ANKRD30B: variants seen among roughly 807,000 people sequenced by gnomAD.
ANKRD30B encodes the protein ankyrin repeat domain 30B, also known as ankyrin repeat domain-containing protein 30B.
ANKRD30B carries 144 observed loss-of-function variants against 202.2 expected under a neutral mutation model. That is an observed-to-expected ratio of 0.71 (90% CI 0.62 to 0.82). ANKRD30B has a LOEUF of 0.82. Ranked by LOEUF, ANKRD30B falls within the 40% of genes least tolerant of loss-of-function variation. The pLI, the probability that ANKRD30B is intolerant of heterozygous loss-of-function variation, is 0.00. For missense variants in ANKRD30B, 1,487 were observed against 1,669.1 expected (o/e 0.89, Z 1.90); for synonymous variants, 508 against 561.3 (o/e 0.91, Z 1.34).
chr18:14,875,634 T>C, the ANKRD30B span, among the ~76,000 whole-genome samples: 340 of 152,312 alleles, frequency 2.2e-3, 2 homozygotes, highest in Non-Finnish European at 3.3e-3. Context: ...TACATCTTTA[T>C]ACCTTTGAAT....
the ANKRD30B span, among the ~76,000 whole-genome samples, chr18:14,937,993 C>T: frequency 6.6e-6 from 1 of 152,288 alleles, no homozygotes; most frequent in Non-Finnish European, 1.5e-5. Flanking sequence ...GTCTGCAATC[C>T]AACCGCTGCT....
Position 14,775,767 on chromosome 18 carries a change from T to G in ANKRD30B, c.1330-2218T>G, listed in dbSNP as rs368826089. Among the ~76,000 whole-genome samples, 124 of 152,248 alleles carry G rather than the reference T, an allele frequency of 8.1e-4. 1 individual carries two copies. The highest frequency in any genetic ancestry group is 3.4e-3 in the Middle Eastern group (1 of 294). On this transcript the variant is annotated intron_variant, in intron 9 of 43. Transcript: ENST00000690538. The stretch of plus-strand genomic sequence containing the variant: ...GATAGCAAAGGCCTCACCAGTTAGG[T>G]AGAAGCAGCAGCTGCATAGTGGTAA...
intron 34 of ANKRD30B, among the ~76,000 whole-genome samples, chr18:14,834,611 G>A (rs555995267): frequency 0.017 from 2,576 of 151,974 alleles, 72 homozygotes; most frequent in African/African-American, 0.059. Flanking sequence ...AAAGCTGACA[G>A]AAAATATAAG....
chr18:14,934,103 C>T, the ANKRD30B span, among the ~76,000 whole-genome samples: 2 of 152,242 alleles, frequency 1.3e-5, no homozygotes, highest in Non-Finnish European at 2.9e-5. Flanking sequence ...GCAAGGGGTC[C>T]ACCCACAGCC....
At chr18:14,781,991 G>A (rs1432560389) in intron 11 of ANKRD30B, among the ~76,000 whole-genome samples, 1 of 152,132 alleles carries the variant, frequency 6.6e-6, no homozygotes, top group Non-Finnish European at 1.5e-5. Flanking sequence ...CTTCCTTTAT[G>A]ACTATTTTAA....
chr18:14,833,643 CTTA>C (rs1971049837), intron 34 of ANKRD30B, among the ~76,000 whole-genome samples: 1 of 152,186 alleles, frequency 6.6e-6, no homozygotes, highest in African/African-American at 2.4e-5. Context: ...AACTAATTGT[CTTA>C]TTATGTAATA....
At position 14,769,357 on chromosome 18, in the gene ANKRD30B, G is replaced by T. The variant is rs1470002539; in HGVS notation, c.1240G>T (p.Val414Leu). The T allele has an allele frequency of 6.5e-7, 1 of 1,544,206 alleles. No homozygotes were observed. The highest frequency in any genetic ancestry group is 8.7e-7 in the Non-Finnish European group (1 of 1,143,232). ...KASTNVDVSS[V>L]EPIFSLFGTR... The stretch of plus-strand genomic sequence containing the variant: ...TTCTTTAATAGTGGATGTGAGTTCT[G>T]TAGAGCCTATATTCAGGTAAGACTT... The change falls in exon 8 of 44, where the codon GTA (valine) becomes TTA (leucine). Residue 414 changes from valine (V) to leucine (L), a missense_variant. By Grantham distance (32) the Val-to-Leu change is conservative. Coordinates refer to ENST00000690538, the MANE Select transcript of ANKRD30B (RefSeq NM_001367607.2).
At chr18:14,839,070 AT>A (rs1971299065) in intron 36 of ANKRD30B, among the ~76,000 whole-genome samples, 1 of 152,090 alleles carries the variant, frequency 6.6e-6, no homozygotes. Flanking sequence ...TCCTGATGAG[AT>A]TTTCAATGTT....
chr18:14,871,981 G>A, the ANKRD30B span, among the ~76,000 whole-genome samples: 1 of 152,168 alleles, frequency 6.6e-6, no homozygotes, highest in Non-Finnish European at 1.5e-5. Flanking sequence ...ACATTAGCTT[G>A]TTTAAGCCTC....
chr18:14,855,705 G>A (rs1052867848), downstream of ANKRD30B, among the ~76,000 whole-genome samples: 54 of 149,678 alleles, frequency 3.6e-4, no homozygotes, highest in Middle Eastern at 3.4e-3. Flanking sequence ...CCTCCCAGAC[G>A]GGGCGGCTGG....
chr18:14,749,289 C>A (rs1452212334), intron 1 of ANKRD30B, among the ~76,000 whole-genome samples: 1 of 152,168 alleles, frequency 6.6e-6, no homozygotes, highest in Non-Finnish European at 1.5e-5. Flanking sequence ...TTAAATTACA[C>A]AGGCTTTTAC....
chr18:14,918,224 C>G, the ANKRD30B span, among the ~76,000 whole-genome samples: 1 of 152,142 alleles, frequency 6.6e-6, no homozygotes, highest in East Asian at 1.9e-4. Flanking sequence ...TTTCCTCCTA[C>G]TAGCCCTTAG....
At chr18:14,803,659 T>A in intron 23 of ANKRD30B, 75 bp from the exon 24 acceptor site, 2 of 1,477,100 alleles carry the variant, frequency 1.4e-6, no homozygotes, top group Non-Finnish European at 1.8e-6. Context: ...GAAAAGATTT[T>A]AATTAGGAAC....
chr18:14,914,023 T>C, the ANKRD30B span, among the ~76,000 whole-genome samples: 2 of 152,168 alleles, frequency 1.3e-5, no homozygotes, highest in Non-Finnish European at 2.9e-5. Flanking sequence ...TACTGCAGCT[T>C]GTGTCAGAGA....
intron 9 of ANKRD30B, among the ~76,000 whole-genome samples, chr18:14,775,590 T>C (rs777802209): frequency 4.6e-5 from 7 of 152,250 alleles, no homozygotes; most frequent in Middle Eastern, 3.2e-3. Context: ...AAAACTATAA[T>C]AACAACAATT....
chr18:14,830,392 C>T (rs1970856833), intron 33 of ANKRD30B: 1 of 152,362 alleles, frequency 6.6e-6, no homozygotes, highest in Admixed American at 6.5e-5. Context: ...AGTAGTTAGA[C>T]TTTCTTACTT....
rs181733072 is a variant in ANKRD30B at position 14,809,801 on chromosome 18, G to A, written c.2387-185G>A. Among the ~76,000 whole-genome samples, 14 of 151,038 alleles carry A rather than the reference G, an allele frequency of 9.3e-5. 1 individual carries two copies. Among genetic ancestry groups the A allele is most frequent in the Admixed American group, 5.9e-4 (9 of 15,242 alleles). ...TTGCATCTTTCATTCCATAGCAATAGTTTCAGGGAGTCTTCCTACAGTTGA... is the reference window on the plus strand; with the variant it reads ...TTGCATCTTTCATTCCATAGCAATAATTTCAGGGAGTCTTCCTACAGTTGA... On this transcript the variant is annotated intron_variant, in intron 26 of 43. Coordinates refer to ENST00000690538, the MANE Select transcript of ANKRD30B (RefSeq NM_001367607.2).
chr18:14,844,581 T>A (rs1022174204), intron 39 of ANKRD30B, among the ~76,000 whole-genome samples: 16 of 152,242 alleles, frequency 1.1e-4, no homozygotes, highest in African/African-American at 3.9e-4. Flanking sequence ...TGATTTATAA[T>A]CCTTAGGGTA....
chr18:14,863,950 A>T, the ANKRD30B span, among the ~76,000 whole-genome samples: 2 of 151,738 alleles, frequency 1.3e-5, no homozygotes, highest in African/African-American at 2.4e-5. Context: ...GGACTATTTA[A>T]CATATGCAAA....
Sources: allele counts gnomAD v4.1 joint callset (sites outside exome capture counted in the v4.1 genomes callset), GRCh38; gene constraint gnomAD v4.1.1; transcripts MANE v1.5; gene names NCBI Gene and HGNC (gene_info 2026-07-23, HGNC 2026-07-21).